Variants in TASOR observed in about 807,000 individuals in gnomAD.
TASOR encodes the protein protein TASOR.
In TASOR, 53 loss-of-function variants were observed where a neutral mutation model predicts 178.6. That is an observed-to-expected ratio of 0.30 (90% confidence interval 0.24 to 0.37). The LOEUF (loss-of-function observed/expected upper bound fraction) is 0.37. Among genes scored for constraint, TASOR ranks in the 10% least tolerant of loss-of-function variants. TASOR has a pLI of 1.00. For synonymous variants in TASOR, 713 were observed against 696.2 expected, an observed-to-expected ratio of 1.02 and a Z score of -0.38; for missense variants, 1,815 against 1,971.4, an observed-to-expected ratio of 0.92 and a Z score of 1.50.
chr3:56,633,432 A>T lies in TASOR; in HGVS notation c.3359T>A (p.Val1120Asp). 6.2e-7 allele frequency: 1 copy of T among 1,614,120 alleles called. No homozygotes were observed. The highest frequency in any genetic ancestry group is 8.5e-7 in the Non-Finnish European group (1 of 1,179,990). The change falls in exon 18 of 24, where the codon GTC becomes GAC. Residue 1120 changes from valine to aspartate, a missense_variant. By Grantham distance (152) the Val-to-Asp change is radical (BLOSUM62 -3). Around this residue, in one of 5 missense-constraint regions of TASOR, gnomAD observed 655 missense variants for 671.1 expected, o/e 0.98. Transcript: ENST00000683822. ...GAAGTCACTTGAGGAAACTGGTATG[A>T]CATGCCTTTCCAGAGGATTCGATGC... ...KIASNPLERH[V>D]IPVSSSDFNN...
chr3:56,641,676 G>A lies in TASOR; in HGVS notation c.2292C>T (p.Gly764=). 1 of 1,614,204 alleles carries A rather than the reference G, an allele frequency of 6.2e-7. No homozygotes were observed. Among genetic ancestry groups the A allele is most frequent in the South Asian group, 1.1e-5 (1 of 91,080 alleles). ...TAAACAGCCTATGGATGTCAGCAAT[G>A]CCGGAGTTACAGGTATCCTGCTGCT... ...RRQQQDTCNS[G]IADIHRLFNW... is the part of the protein sequence containing the mutation. The change falls in exon 15 of 24, where the codon GGC becomes GGT. Residue 764 remains glycine (G), a synonymous_variant. Transcript: ENST00000683822.
chr3:56,679,380 T>C (rs1341741292), intron 1 of TASOR, among the ~76,000 whole-genome samples: 1 of 152,258 alleles, frequency 6.6e-6, no homozygotes, highest in Non-Finnish European at 1.5e-5. Context: ...TTTTTTGGAC[T>C]GAGGATAGCT....
chr3:56,624,333 A>G (rs892541455), intron 23 of TASOR, 146 bp downstream of exon 23: 1 of 729,086 alleles, frequency 1.4e-6, no homozygotes. Flanking sequence ...AAGTATTAGA[A>G]TGATAAATGT....
At chr3:56,680,257 T>C (rs2031672561) in intron 1 of TASOR, among the ~76,000 whole-genome samples, 1 of 152,190 alleles carries the variant, frequency 6.6e-6, no homozygotes, top group Non-Finnish European at 1.5e-5. Flanking sequence ...AAAATGGGAA[T>C]AGTACCTACC....
rs11300845 is a variant in TASOR, at chr3:56,670,940, C to CAAAAA, written c.570+655_570+659dup. ...TGAGCAACAGAGTGAGACTCCATCTCAAAAAAAAAAAAAAAAAAAAAAGGA... is the reference window on the plus strand; with the variant it reads ...TGAGCAACAGAGTGAGACTCCATCTCAAAAAAAAAAAAAAAAAAAAAAAAAAAGGA... On this transcript the variant is annotated intron_variant, in intron 3 of 23. Transcript: ENST00000683822. 1.2e-3 allele frequency among the ~76,000 whole-genome samples: 64 copies of CAAAAA among 54,190 alleles called. 1 individual carries two copies. Among genetic ancestry groups the CAAAAA allele is most frequent in the African/African-American group, 3.8e-3 (51 of 13,574 alleles). 35.6% of individuals were successfully genotyped at this position (54,190 alleles called of 152,430 possible).
At chr3:56,679,167 G>C (rs2031582691) in intron 1 of TASOR, among the ~76,000 whole-genome samples, 1 of 152,208 alleles carries the variant, frequency 6.6e-6, no homozygotes, top group African/African-American at 2.4e-5. Context: ...GCCTATTAAT[G>C]ATTATAATAC....
chr3:56,677,962 T>C (rs1035805508), intron 1 of TASOR, among the ~76,000 whole-genome samples: 12 of 152,148 alleles, frequency 7.9e-5, no homozygotes, highest in Admixed American at 5.9e-4. Context: ...AACAGCTAAG[T>C]TGATTACTGA....
chr3:56,659,924 G>C (rs2077555889), intron 11 of TASOR, among the ~76,000 whole-genome samples: 1 of 151,532 alleles, frequency 6.6e-6, no homozygotes, highest in South Asian at 2.1e-4. Context: ...ACTCAGGCTG[G>C]AGCGCAATGG....
intron 17 of TASOR, among the ~76,000 whole-genome samples, chr3:56,635,491 A>C (rs1418495540): frequency 6.7e-6 from 1 of 149,464 alleles, no homozygotes; most frequent in Non-Finnish European, 1.5e-5. Flanking sequence ...GGAAGAATCT[A>C]AGTGTTCCGG....
In TASOR at chr3:56,630,182, G is replaced by T. The variant is rs986137760; in HGVS notation, c.3748-1568C>A. 4.6e-5 allele frequency among the ~76,000 whole-genome samples: 7 copies of T among 151,890 alleles called. No individual in the cohort carries two copies. The East Asian group carries it at 1.4e-3, about 29-fold the overall frequency. On this transcript the variant is annotated intron_variant, in intron 18 of 23. Coordinates refer to ENST00000683822, the MANE Select transcript of TASOR (RefSeq NM_001365635.2). Reference sequence around the variant, plus strand: ...GGGTTTCACCATGTCAATCAGGATGGTCCCAATCTCCTGACCTCGTGATCT... The same window carrying T: ...GGGTTTCACCATGTCAATCAGGATGTTCCCAATCTCCTGACCTCGTGATCT...
chr3:56,666,311 G>A lies in TASOR; in HGVS notation c.971C>T (p.Ser324Phe). The change falls in exon 7 of 24, where the codon TCT becomes TTT. Residue 324 changes from serine (S) to phenylalanine (F), a missense_variant. By Grantham distance (155) the Ser-to-Phe change is radical. Transcript: ENST00000683822. Reference sequence around the variant, plus strand: ...TTGTATATCATCTTTGTAAGTAAAAGACACAACTGCATATGGACAAACGTG... The same window carrying A: ...TTGTATATCATCTTTGTAAGTAAAAAACACAACTGCATATGGACAAACGTG... ...PRHVCPYAVV[S>F]FTYKDDIQTP... 1 of 1,547,106 alleles carries A rather than the reference G, an allele frequency of 6.5e-7. No individual in the cohort carries two copies. Among genetic ancestry groups the A allele is most frequent in the South Asian group, 1.2e-5 (1 of 82,628 alleles).
Position 56,682,978 on chromosome 3 carries a change from C to G in TASOR, c.29G>C (p.Cys10Ser). 1 of 1,548,892 alleles carries G rather than the reference C, an allele frequency of 6.5e-7. No homozygotes were observed. The highest frequency in any genetic ancestry group is 8.7e-7 in the Non-Finnish European group (1 of 1,146,094). Reference sequence around the variant, plus strand: ...TTCCCAACTCGCATCCGTCGGCTGACAGGCCTCCGTCTCCACAGCAGTCGC... The same window carrying G: ...TTCCCAACTCGCATCCGTCGGCTGAGAGGCCTCCGTCTCCACAGCAGTCGC... MATAVETEA[C>S]QPTDASWESG... is the part of the protein sequence containing the mutation. The change falls in exon 1 of 24, where the codon TGT becomes TCT. Residue 10 changes from cysteine (C) to serine (S), a missense_variant. This residue lies in a region of TASOR where 244 missense variants were observed against 202.7 expected (regional missense o/e 1.20). Coordinates refer to ENST00000683822, the MANE Select transcript of TASOR (RefSeq NM_001365635.2).
intron 5 of TASOR, among the ~76,000 whole-genome samples, chr3:56,668,845 G>A (rs555049047): frequency 6.6e-5 from 10 of 152,196 alleles, no homozygotes; most frequent in South Asian, 2.1e-4. Flanking sequence ...GGTGGCGCAC[G>A]CTTTTAATCC....
intron 11 of TASOR, among the ~76,000 whole-genome samples, chr3:56,653,358 G>A (rs1423901742): frequency 7.6e-6 from 1 of 131,868 alleles, no homozygotes; most frequent in Non-Finnish European, 1.7e-5. Flanking sequence ...CAGAAAAAAA[G>A]ACACAAATCC....
chr3:56,634,116 G>T, intron 17 of TASOR, 150 bp from the exon 18 acceptor site: 1 of 672,228 alleles, frequency 1.5e-6, no homozygotes, highest in Non-Finnish European at 2.4e-6. Context: ...ATTCTGGTAT[G>T]AATTCTATTC....
intron 11 of TASOR, among the ~76,000 whole-genome samples, chr3:56,650,364 T>C (rs2077325605): frequency 6.6e-6 from 1 of 152,192 alleles, no homozygotes; most frequent in Non-Finnish European, 1.5e-5. Flanking sequence ...GGTAGCTTAG[T>C]TGACCACTTT....
rs80208361 is a variant in TASOR, at chr3:56,643,769, C to A, written c.2216-2017G>T. 3.6e-3 allele frequency among the ~76,000 whole-genome samples: 369 copies of A among 101,654 alleles called. 3 individuals are homozygous for A. In the South Asian group the frequency reaches 0.11, roughly 31 times the overall value. The allele number at this position is 101,654 out of a possible 152,430, so 66.7% of individuals were successfully genotyped here. ...GACTCCGTCTCAAAAAAAAAAAAAACAAAAAAAAAAGTTAGAATACAACCT... is the reference window on the plus strand; with the variant it reads ...GACTCCGTCTCAAAAAAAAAAAAAAAAAAAAAAAAAGTTAGAATACAACCT... On this transcript the variant is annotated intron_variant, in intron 14 of 23. Coordinates refer to ENST00000683822, the MANE Select transcript of TASOR (RefSeq NM_001365635.2).
In TASOR at chr3:56,624,411, TG is replaced by T. The variant is rs1314996429; in HGVS notation, c.4483+67del. 6 of 1,522,350 alleles carry T rather than the reference TG, an allele frequency of 3.9e-6. No individual in the cohort carries two copies. The African/African-American group carries it at 7.0e-5, about 18-fold the overall frequency. The allele number at this position is 1,522,350 out of a possible 1,614,324, so 94.3% of individuals were successfully genotyped here. ...GTTTCAAAATGGTCATTTCATTATT[TG>T]GTAACAGCAAAACCATTCCTCTTTT... On this transcript the variant is annotated intron_variant, in intron 23 of 23. Coordinates refer to ENST00000683822, the MANE Select transcript of TASOR (RefSeq NM_001365635.2).
At position 56,682,746 on chromosome 3, in the gene TASOR, T is replaced by G; in HGVS notation, c.261A>C (p.Arg87Ser). ...SSEAGAAALP[R>S]GPEEPERPVR... is the part of the protein sequence containing the mutation. The stretch of plus-strand genomic sequence containing the variant: ...CAGGCCTTTCGGGCTCTTCGGGGCC[T>G]CTGGGCAGGGCGGCCGCGCCCGCCT... Residue 87 changes from arginine to serine, a missense_variant, in exon 1 of 24, where the codon AGA (arginine) becomes AGC (serine). This residue lies in a region of TASOR where 244 missense variants were observed against 202.7 expected (regional missense o/e 1.20). Transcript: ENST00000683822. The G allele has an allele frequency of 6.5e-7, 1 of 1,533,010 alleles. No homozygotes were observed. Among genetic ancestry groups the G allele is most frequent in the South Asian group, 1.2e-5 (1 of 83,304 alleles). The allele number at this position is 1,533,010 out of a possible 1,614,324, so 95.0% of individuals were successfully genotyped here.
Sources: gnomAD v4.1 joint callset for allele counts (sites outside exome capture counted in the v4.1 genomes callset) on GRCh38, gnomAD v4.1.1 for gene constraint, gnomAD v4.1.1 regional missense constraint, MANE v1.5 for transcripts, NCBI Gene and HGNC (gene_info 2026-07-23, HGNC 2026-07-21) for gene names.